The following KLHL13 variants were observed in gnomAD, a reference collection of about 807,000 sequenced individuals.
The protein encoded by KLHL13 is kelch-like protein 13.
KLHL13 carries 10 observed loss-of-function variants against 37.1 expected under a neutral mutation model. That is an observed-to-expected ratio of 0.27 (90% CI 0.17 to 0.46). KLHL13 has a LOEUF of 0.46. KLHL13 is among the 20% of genes least tolerant of loss of function. The probability of loss-of-function intolerance (pLI) is 1.00; values close to 1 mark genes in which losing one functional copy is unlikely to be tolerated. For missense variants in KLHL13, 360 were observed against 509.3 expected, an observed-to-expected ratio of 0.71 and a Z score of 2.82; for synonymous variants, 163 against 181.2, an observed-to-expected ratio of 0.90 and a Z score of 0.81.
chrX:117,905,903 A>T (rs995112691), intron 5 of KLHL13, among the ~76,000 whole-genome samples: 10 of 111,491 alleles, frequency 9.0e-5, no homozygotes, highest in African/African-American at 3.3e-4. Context: ...ACTAGGCCTT[A>T]TTAATTCATT....
At chrX:118,033,295 T>C (rs955429455) in intron 1 of KLHL13, among the ~76,000 whole-genome samples, 1 of 111,063 alleles carries the variant, frequency 9.0e-6, no homozygotes, top group African/African-American at 3.3e-5. Context: ...AATTGTCACA[T>C]TCACCAAAGT....
intron 5 of KLHL13, among the ~76,000 whole-genome samples, chrX:117,906,468 C>T (rs1024662597): frequency 1.8e-5 from 2 of 111,113 alleles, no homozygotes; most frequent in Non-Finnish European, 3.8e-5. Context: ...CAGGATGTGA[C>T]GTGACAAGAC....
chrX:117,930,658 A>T (rs1405174145), intron 2 of KLHL13, among the ~76,000 whole-genome samples: 1 of 111,506 alleles, frequency 9.0e-6, no homozygotes, highest in Non-Finnish European at 1.9e-5. Flanking sequence ...AAAAAGGGAA[A>T]GCGGCAGACA....
At chrX:117,900,355 A>G (rs978466279) in intron 6 of KLHL13, among the ~76,000 whole-genome samples, 2 of 112,176 alleles carry the variant, frequency 1.8e-5, no homozygotes, top group Admixed American at 1.9e-4. Context: ...CATTGTTTTG[A>G]AAATCAGCTA....
At chrX:117,975,193 C>G (rs763284345), upstream of KLHL13, among the ~76,000 whole-genome samples, 1 of 111,063 alleles carries the variant, frequency 9.0e-6, no homozygotes, top group Non-Finnish European at 1.9e-5. Context: ...CACACACACA[C>G]ACACACACAG....
intron 2 of KLHL13, among the ~76,000 whole-genome samples, chrX:117,922,973 T>C (rs1322056380): frequency 3.6e-5 from 4 of 112,159 alleles, no homozygotes; most frequent in Non-Finnish European, 7.5e-5. Context: ...ATACATACTG[T>C]TGTGCATTTT....
intron 1 of KLHL13, among the ~76,000 whole-genome samples, chrX:117,982,310 T>A (rs2053671777): frequency 9.0e-6 from 1 of 111,325 alleles, no homozygotes; most frequent in African/African-American, 3.3e-5. Flanking sequence ...ACTCACTTAT[T>A]TTTCACCTTT....
At chrX:118,002,636 AAATAAAT>A (rs1300758913) in intron 1 of KLHL13, among the ~76,000 whole-genome samples, 5 of 104,615 alleles carry the variant, frequency 4.8e-5, no homozygotes, top group African/African-American at 1.7e-4. Context: ...ATAAATAAAT[AAATAAAT>A]AAAATGCTGT....
At chrX:117,914,882 C>A (rs754771953) in intron 4 of KLHL13, among the ~76,000 whole-genome samples, 36 of 111,874 alleles carry the variant, frequency 3.2e-4, no homozygotes, top group African/African-American at 1.0e-3. Flanking sequence ...CAGACAGAGT[C>A]CCAGATAGCA....
At chrX:117,987,581 T>C (rs1000218260) in intron 1 of KLHL13, among the ~76,000 whole-genome samples, 1 of 111,785 alleles carries the variant, frequency 8.9e-6, no homozygotes, top group Non-Finnish European at 1.9e-5. Context: ...CACTTAACAT[T>C]CAGCTTTGTC....
intron 1 of KLHL13, among the ~76,000 whole-genome samples, chrX:118,096,862 T>C (rs1460134201): frequency 1.8e-5 from 2 of 111,511 alleles, no homozygotes; most frequent in Admixed American, 9.6e-5. Flanking sequence ...GAAAAGGCCT[T>C]TGACAAAATT....
chrX:117,920,318 G>A (rs977452582), exon 3 of KLHL13: 8 of 1,204,018 alleles, frequency 6.6e-6, no homozygotes, highest in Non-Finnish European at 9.0e-6. Context: ...TGTGTCACCT[G>A]GCATCAGGGT....
chrX:117,964,249 T>C (rs753522554), intron 1 of KLHL13, among the ~76,000 whole-genome samples: 152 of 112,076 alleles, frequency 1.4e-3, no homozygotes, highest in Non-Finnish European at 1.5e-3. Context: ...TTAACATGTG[T>C]TATCTACCTC....
intron 1 of KLHL13, among the ~76,000 whole-genome samples, chrX:118,080,175 A>G (rs1309424820): frequency 8.9e-6 from 1 of 112,052 alleles, no homozygotes; most frequent in African/African-American, 3.2e-5. Flanking sequence ...AAAAGTGTAG[A>G]AGAAAACCTA....
intron 1 of KLHL13, among the ~76,000 whole-genome samples, chrX:117,964,870 G>T (rs1320913378): frequency 9.0e-6 from 1 of 110,972 alleles, no homozygotes; most frequent in Non-Finnish European, 1.9e-5. Context: ...AGTTTGCTGA[G>T]AATGATGGTT....
intron 1 of KLHL13, among the ~76,000 whole-genome samples, chrX:118,032,511 C>A (rs191955510): frequency 8.9e-6 from 1 of 112,025 alleles, no homozygotes; most frequent in East Asian, 2.8e-4. Flanking sequence ...GGTACTCCAA[C>A]AGACCTGCAG....
chrX:118,012,994 C>T (rs1159086599), intron 1 of KLHL13, among the ~76,000 whole-genome samples: 2 of 111,699 alleles, frequency 1.8e-5, no homozygotes, highest in East Asian at 5.6e-4. Context: ...GGGATTAGTG[C>T]ACAAGAGCAC....
At chrX:117,908,367 A>G (rs937553768) in intron 5 of KLHL13, among the ~76,000 whole-genome samples, 1 of 108,748 alleles carries the variant, frequency 9.2e-6, no homozygotes, top group African/African-American at 3.4e-5. Flanking sequence ...TACATTAGGT[A>G]TTTCTCCTAA....
At chrX:117,982,299 A>T (rs1484904770) in intron 1 of KLHL13, among the ~76,000 whole-genome samples, 2 of 111,447 alleles carry the variant, frequency 1.8e-5, no homozygotes, top group Middle Eastern at 4.2e-3. Flanking sequence ...AAAATATCAA[A>T]ACTCACTTAT....
Sources: gnomAD v4.1 joint callset for allele counts (sites outside exome capture counted in the v4.1 genomes callset) on GRCh38, gnomAD v4.1.1 for gene constraint, MANE v1.5 for transcripts, NCBI Gene and HGNC (gene_info 2026-07-23, HGNC 2026-07-21) for gene names.